NRG3: variants seen among roughly 807,000 people sequenced by gnomAD.
The protein encoded by NRG3 is neuregulin 3.
A neutral mutation model predicts 66.9 loss-of-function variants in NRG3; 31 were observed. That is an observed-to-expected ratio of 0.46 (90% CI 0.35 to 0.63). NRG3 has a LOEUF of 0.63. Ranked by LOEUF, NRG3 falls within the 20% of genes least tolerant of loss-of-function variation. The pLI is 0.00. For synonymous variants in NRG3, 393 were observed against 359.4 expected (o/e 1.09, Z -1.06); for missense variants, 910 against 878.9 (o/e 1.04, Z -0.45).
chr10:82,338,385 A>T lies in NRG3; in HGVS notation c.824-20354A>T, dbSNP rs577519273. ...AACAAGTGCTTAGAAGTTAGAAAAC[A>T]TTATGAGTATATTAGCCACCTAGAC... On this transcript the variant is annotated intron_variant, in intron 1 of 8. Coordinates refer to ENST00000372141, the MANE Select transcript of NRG3 (RefSeq NM_001010848.4). Among the ~76,000 whole-genome samples, 14 of 152,322 alleles carry T rather than the reference A, an allele frequency of 9.2e-5. No individual in the cohort carries two copies. The South Asian group carries it at 2.7e-3, about 29-fold the overall frequency.
chr10:82,132,505 CATATATATATGATATATATGAT>C (rs2068961842), intron 1 of NRG3, among the ~76,000 whole-genome samples: 1 of 60,334 alleles, frequency 1.7e-5, no homozygotes, highest in Admixed American at 1.8e-4. Context: ...ATATATATAT[CATATATATATGATATATATGAT>C]ATATATATGA....
intron 2 of NRG3, among the ~76,000 whole-genome samples, chr10:82,731,346 T>A (rs2057891517): frequency 7.3e-6 from 1 of 137,138 alleles, no homozygotes; most frequent in Admixed American, 7.8e-5. Flanking sequence ...CAGCCTGGGT[T>A]ACAGAGAGAT....
chr10:82,303,340 C>G (rs2080518908), intron 1 of NRG3, among the ~76,000 whole-genome samples: 2 of 151,794 alleles, frequency 1.3e-5, no homozygotes, highest in African/African-American at 4.8e-5. Flanking sequence ...TGTATAAACA[C>G]ACACACACAC....
chr10:81,978,329 T>A (rs930367517), intron 1 of NRG3, among the ~76,000 whole-genome samples: 3 of 152,194 alleles, frequency 2.0e-5, no homozygotes, highest in Admixed American at 2.0e-4. Flanking sequence ...ATGGTGTGAA[T>A]ATTGCCCTTT....
At chr10:82,166,636 A>C (rs1331961686) in intron 1 of NRG3, 1 of 357,332 alleles carries the variant, frequency 2.8e-6, no homozygotes, top group Non-Finnish European at 4.9e-6. Flanking sequence ...AATTATGTCT[A>C]TATATACACA....
chr10:82,210,377 C>T (rs537434975), intron 1 of NRG3, among the ~76,000 whole-genome samples: 23 of 152,232 alleles, frequency 1.5e-4, no homozygotes, highest in South Asian at 4.1e-4. Flanking sequence ...AGCTAGAAGG[C>T]GGCTATGTGA....
intron 1 of NRG3, among the ~76,000 whole-genome samples, chr10:82,264,558 G>A (rs530850520): frequency 1.3e-5 from 2 of 152,286 alleles, no homozygotes; most frequent in African/African-American, 2.4e-5. Flanking sequence ...CCACAGACTG[G>A]ATAAGCTCAC....
intron 1 of NRG3, among the ~76,000 whole-genome samples, chr10:82,281,382 G>A (rs1255752574): frequency 6.6e-6 from 1 of 152,108 alleles, no homozygotes; most frequent in Non-Finnish European, 1.5e-5. Flanking sequence ...ATATCCTCTT[G>A]TGATTAGGAG....
chr10:82,620,635 G>A (rs1263266906), intron 2 of NRG3, among the ~76,000 whole-genome samples: 1 of 152,106 alleles, frequency 6.6e-6, no homozygotes, highest in African/African-American at 2.4e-5. Flanking sequence ...TTTGGAAAAG[G>A]CAACATTCTA....
chr10:81,942,575 A>C (rs1642048769), intron 1 of NRG3, among the ~76,000 whole-genome samples: 1 of 152,176 alleles, frequency 6.6e-6, no homozygotes, highest in Non-Finnish European at 1.5e-5. Context: ...ATTATCTTAA[A>C]ATTAGCTAGA....
chr10:82,500,514 A>G (rs1031812849), intron 2 of NRG3, among the ~76,000 whole-genome samples: 6 of 152,182 alleles, frequency 3.9e-5, no homozygotes, highest in Admixed American at 2.6e-4. Context: ...AGCAGTTTCA[A>G]TTGCCATCCT....
intron 1 of NRG3, among the ~76,000 whole-genome samples, chr10:82,356,322 A>G (rs1284763972): frequency 6.6e-6 from 1 of 152,234 alleles, no homozygotes; most frequent in Non-Finnish European, 1.5e-5. Flanking sequence ...CTGTTCTTAG[A>G]AGCATGATCA....
chr10:81,956,078 C>A (rs1383089641), intron 1 of NRG3, among the ~76,000 whole-genome samples: 1 of 152,196 alleles, frequency 6.6e-6, no homozygotes, highest in East Asian at 1.9e-4. Flanking sequence ...TACAGTGTAA[C>A]TTTGGTATTC....
chr10:82,347,468 A>T (rs1284936645), intron 1 of NRG3, among the ~76,000 whole-genome samples: 1 of 151,752 alleles, frequency 6.6e-6, no homozygotes, highest in Admixed American at 6.6e-5. Flanking sequence ...ACATTTGCTG[A>T]GGAGAGCTTT....
At chr10:82,758,603 G>A (rs909892607) in intron 3 of NRG3, among the ~76,000 whole-genome samples, 3 of 151,986 alleles carry the variant, frequency 2.0e-5, no homozygotes, top group African/African-American at 7.2e-5. Flanking sequence ...CAGTATTTTA[G>A]CAGGAAGAAA....
At chr10:82,151,540 A>G (rs183594543) in intron 1 of NRG3, among the ~76,000 whole-genome samples, 1 of 152,178 alleles carries the variant, frequency 6.6e-6, no homozygotes, top group Admixed American at 6.5e-5. Flanking sequence ...TGTCTCCATT[A>G]TTCATCCTGT....
chr10:81,875,822 T>C lies in NRG3; in HGVS notation c.482T>C (p.Ile161Thr), dbSNP rs760630923. 3 of 1,608,988 alleles carry C rather than the reference T, an allele frequency of 1.9e-6. No individual in the cohort carries two copies. The highest frequency in any genetic ancestry group is 2.5e-6 in the Non-Finnish European group (3 of 1,179,696). ...PNRISTRLTT[I>T]TRAPTRFPGH... ...CGGATTAGCACTCGCCTGACCACCATCACGCGGGCGCCCACTCGCTTCCCC... is the reference window on the plus strand; with the variant it reads ...CGGATTAGCACTCGCCTGACCACCACCACGCGGGCGCCCACTCGCTTCCCC... The change falls in exon 1 of 9, where the codon ATC becomes ACC. Residue 161 changes from isoleucine to threonine, a missense_variant. Coordinates refer to ENST00000372141, the MANE Select transcript of NRG3 (RefSeq NM_001010848.4). This position sits in a 1 kb window ranked among gnomAD's most constrained non-coding sequence, Gnocchi z 5.3.
chr10:82,474,950 G>A (rs962600562), intron 2 of NRG3, among the ~76,000 whole-genome samples: 2 of 151,774 alleles, frequency 1.3e-5, no homozygotes, highest in African/African-American at 4.8e-5. Flanking sequence ...CAGGCCAGAG[G>A]GCAGCGGGAT....
intron 1 of NRG3, among the ~76,000 whole-genome samples, chr10:82,175,815 G>C (rs145837478): frequency 6.6e-6 from 1 of 152,168 alleles, no homozygotes; most frequent in African/African-American, 2.4e-5. Flanking sequence ...TACATACTTT[G>C]GTAGACGGAT....
Sources: allele counts gnomAD v4.1 joint callset (sites outside exome capture counted in the v4.1 genomes callset), GRCh38; gene constraint gnomAD v4.1.1; non-coding constraint Gnocchi (gnomAD v3.1); transcripts MANE v1.5; gene names NCBI Gene and HGNC (gene_info 2026-07-23, HGNC 2026-07-21).